Variants in KHDRBS2 observed in about 807,000 individuals in gnomAD.
KHDRBS2 encodes the protein KH domain-containing, RNA-binding, signal transduction-associated protein 2.
A neutral mutation model predicts 44.3 loss-of-function variants in KHDRBS2; 26 were observed. That is an observed-to-expected ratio of 0.59 (90% CI 0.43 to 0.81). KHDRBS2 has a LOEUF of 0.81. KHDRBS2 is among the 40% of genes least tolerant of loss of function. The pLI is 0.00. For synonymous variants in KHDRBS2, 194 were observed against 151.1 expected, an observed-to-expected ratio of 1.28 and a Z score of -2.08; for missense variants, 476 against 433.1, an observed-to-expected ratio of 1.10 and a Z score of -0.88.
At chr6:62,222,625 T>C (rs1191822657) in intron 1 of KHDRBS2, among the ~76,000 whole-genome samples, 5 of 152,128 alleles carry the variant, frequency 3.3e-5, no homozygotes, top group African/African-American at 1.2e-4. Flanking sequence ...AGCCAAACCA[T>C]ATCATACCTC....
At chr6:61,564,255 G>A in the KHDRBS2 span, among the ~76,000 whole-genome samples, 4 of 152,092 alleles carry the variant, frequency 2.6e-5, no homozygotes, top group East Asian at 7.7e-4. Context: ...CTTTCATGAA[G>A]TGTTCTGAAT....
chr6:61,548,022 T>C, the KHDRBS2 span, among the ~76,000 whole-genome samples: 1 of 152,086 alleles, frequency 6.6e-6, no homozygotes, highest in East Asian at 1.9e-4. Flanking sequence ...ATGCACCAAC[T>C]CTGACTGATC....
At chr6:61,637,311 G>A in the KHDRBS2 span, among the ~76,000 whole-genome samples, 1 of 151,892 alleles carries the variant, frequency 6.6e-6, no homozygotes, top group African/African-American at 2.4e-5. Flanking sequence ...GCGATAGTTT[G>A]CTGAGAATGA....
At chr6:61,842,297 G>T (rs1222881874) in intron 6 of KHDRBS2, among the ~76,000 whole-genome samples, 1 of 152,166 alleles carries the variant, frequency 6.6e-6, no homozygotes, top group East Asian at 1.9e-4. Flanking sequence ...AAAATTGGTT[G>T]CTGCTGTGTA....
chr6:61,983,185 T>A (rs2675988), intron 3 of KHDRBS2, among the ~76,000 whole-genome samples: 108,290 of 147,614 alleles, frequency 0.73, 40,074 homozygotes, highest in African/African-American at 0.83. Context: ...TTTTGAGTAA[T>A]TAAAGTTTTT....
chr6:61,730,153 C>T (rs1395193163), intron 7 of KHDRBS2, among the ~76,000 whole-genome samples: 2 of 152,064 alleles, frequency 1.3e-5, no homozygotes, highest in African/African-American at 4.8e-5. Context: ...CTGAGAACCT[C>T]TAGTGTTTCA....
intron 2 of KHDRBS2, among the ~76,000 whole-genome samples, chr6:62,112,777 T>C (rs1562891710): frequency 6.6e-6 from 1 of 152,182 alleles, no homozygotes; most frequent in South Asian, 2.1e-4. Context: ...GTGGATTCTG[T>C]ACCTTTAGCA....
At chr6:62,102,118 T>C (rs1252622072) in intron 2 of KHDRBS2, among the ~76,000 whole-genome samples, 1 of 152,212 alleles carries the variant, frequency 6.6e-6, no homozygotes, top group Non-Finnish European at 1.5e-5. Flanking sequence ...TATAAAACAA[T>C]AATAATGAAC....
At chr6:62,275,008 T>TACAC (rs145870587) in intron 1 of KHDRBS2, among the ~76,000 whole-genome samples, 32,293 of 142,368 alleles carry the variant, frequency 0.23, 3,937 homozygotes, top group Admixed American at 0.32. Context: ...GCTCATCAAA[T>TACAC]ACACACACAC....
At chr6:62,007,208 CAG>C (rs1027909275) in intron 3 of KHDRBS2, among the ~76,000 whole-genome samples, 1 of 152,066 alleles carries the variant, frequency 6.6e-6, no homozygotes, top group South Asian at 2.1e-4. Context: ...TCCATTTCTC[CAG>C]AGTCTTCCAT....
the KHDRBS2 span, among the ~76,000 whole-genome samples, chr6:61,606,754 TGAG>T: frequency 6.6e-6 from 1 of 152,158 alleles, no homozygotes; most frequent in South Asian, 2.1e-4. Flanking sequence ...ATCTGGATAT[TGAG>T]GAGGGCTTCA....
intron 2 of KHDRBS2, among the ~76,000 whole-genome samples, chr6:62,080,398 A>AT (rs1047492299): frequency 8.5e-5 from 13 of 152,244 alleles, no homozygotes; most frequent in South Asian, 4.1e-4. Flanking sequence ...GTTCAAAGTC[A>AT]TTTTTTCCAT....
At chr6:62,059,303 G>T (rs1485185092) in intron 2 of KHDRBS2, among the ~76,000 whole-genome samples, 1 of 126,192 alleles carries the variant, frequency 7.9e-6, no homozygotes, top group Non-Finnish European at 1.6e-5. Flanking sequence ...ACAGAAACAA[G>T]TTCCAAAAAA....
intron 1 of KHDRBS2, among the ~76,000 whole-genome samples, chr6:62,186,645 G>GGT (rs1823485358): frequency 6.6e-6 from 1 of 151,844 alleles, no homozygotes; most frequent in Non-Finnish European, 1.5e-5. Flanking sequence ...ATAAGAATAG[G>GGT]GTGTGGTATA....
At chr6:62,117,089 C>T (rs572351081) in intron 2 of KHDRBS2, among the ~76,000 whole-genome samples, 12 of 152,136 alleles carry the variant, frequency 7.9e-5, no homozygotes, top group African/African-American at 2.2e-4. Context: ...TTCAATATAC[C>T]GATCTTCTTT....
intron 6 of KHDRBS2, 26 bp from the exon 7 acceptor site, chr6:61,732,790 C>A (rs1184329924): frequency 3.4e-6 from 4 of 1,182,836 alleles, no homozygotes; most frequent in African/African-American, 3.0e-5. Flanking sequence ...GGTAGAAACA[C>A]CTGTTAGTCA....
intron 7 of KHDRBS2, among the ~76,000 whole-genome samples, chr6:61,719,816 T>C (rs1281667575): frequency 6.6e-6 from 1 of 152,084 alleles, no homozygotes; most frequent in Non-Finnish European, 1.5e-5. Context: ...TTAGGGTACA[T>C]GTGCATAATG....
At chr6:61,720,822 C>T (rs1425863844) in intron 7 of KHDRBS2, among the ~76,000 whole-genome samples, 1 of 151,144 alleles carries the variant, frequency 6.6e-6, no homozygotes, top group Admixed American at 6.6e-5. Context: ...GTTGCCATTG[C>T]TTTTGGTGTT....
intron 3 of KHDRBS2, among the ~76,000 whole-genome samples, chr6:62,009,427 A>C (rs1779872420): frequency 6.6e-6 from 1 of 152,216 alleles, no homozygotes; most frequent in African/African-American, 2.4e-5. Flanking sequence ...TTGGAGCTTG[A>C]CAATGTGATA....
Sources: allele counts gnomAD v4.1 joint callset (sites outside exome capture counted in the v4.1 genomes callset), GRCh38; gene constraint gnomAD v4.1.1; transcripts MANE v1.5; gene names NCBI Gene and HGNC (gene_info 2026-07-23, HGNC 2026-07-21).